CCDC171: variants seen among roughly 807,000 people sequenced by gnomAD.
The protein encoded by CCDC171 is coiled-coil domain-containing protein 171.
CCDC171 carries 177 observed loss-of-function variants against 168.2 expected under a neutral mutation model. That is an observed-to-expected ratio of 1.05 (90% CI 0.93 to 1.19). The LOEUF (loss-of-function observed/expected upper bound fraction) is 1.19, where lower values mean the gene tolerates loss of function less well. Among genes scored for constraint, CCDC171 ranks in the 50% most tolerant of loss-of-function variants. CCDC171 has a pLI of 0.00. For missense variants in CCDC171, 1,991 were observed against 1,539.0 expected, an observed-to-expected ratio of 1.29 and a Z score of -4.91; for synonymous variants, 687 against 540.8, an observed-to-expected ratio of 1.27 and a Z score of -3.75.
chr9:15,579,910 T>C (rs1387947676), intron 4 of CCDC171, among the ~76,000 whole-genome samples: 6 of 152,320 alleles, frequency 3.9e-5, no homozygotes, highest in South Asian at 2.1e-4. Flanking sequence ...TTAACAATAA[T>C]GTTGCTATGA....
intron 6 of CCDC171, among the ~76,000 whole-genome samples, chr9:16,028,316 G>T (rs146839163): frequency 6.6e-6 from 1 of 152,312 alleles, no homozygotes; most frequent in East Asian, 1.9e-4. Context: ...GGGGAGAATG[G>T]ATGTCTGGTT....
chr9:16,063,619 A>G (rs1254993496), downstream of CCDC171, among the ~76,000 whole-genome samples: 3 of 152,212 alleles, frequency 2.0e-5, no homozygotes, highest in African/African-American at 7.2e-5. Flanking sequence ...GAGTGGTTTG[A>G]ATATTCTTCC....
rs553649012 is a variant in CCDC171, at chr9:15,858,567, T to G, written c.3468+9620T>G. ...TTCATGAACACAGAATGTTTTTTCA[T>G]TTGTTGTATTTTTAATTTCTTTTGC... is the stretch of plus-strand genomic sequence containing the variant. On this transcript the variant is annotated intron_variant, in intron 23 of 25. Transcript: ENST00000380701. Among the ~76,000 whole-genome samples, 11 of 152,176 alleles carry G rather than the reference T, an allele frequency of 7.2e-5. No homozygotes were observed. The East Asian group carries it at 1.7e-3, about 24-fold the overall frequency.
intron 25 of CCDC171, among the ~76,000 whole-genome samples, chr9:15,933,952 A>T (rs529954022): frequency 6.6e-6 from 1 of 152,170 alleles, no homozygotes; most frequent in Non-Finnish European, 1.5e-5. Flanking sequence ...AATTAAAAGC[A>T]TGGAAAGACT....
At chr9:16,104,894 A>G in the CCDC171 span, among the ~76,000 whole-genome samples, 1 of 152,238 alleles carries the variant, frequency 6.6e-6, no homozygotes, top group Non-Finnish European at 1.5e-5. Flanking sequence ...ATAACAATGT[A>G]AAACTCCAGT....
chr9:15,587,165 C>T (rs905738733), intron 4 of CCDC171, among the ~76,000 whole-genome samples: 3 of 152,160 alleles, frequency 2.0e-5, no homozygotes, highest in Admixed American at 6.5e-5. Context: ...TGGATTTCTA[C>T]ACTCTATGCC....
intron 24 of CCDC171, chr9:15,886,011 CTTAT>C (rs1336319697): frequency 6.6e-6 from 1 of 152,104 alleles, no homozygotes; most frequent in Non-Finnish European, 1.5e-5. Flanking sequence ...TCTTTTCCCT[CTTAT>C]TTAAACTTGG....
chr9:16,032,325 GA>G (rs1833377002), intron 6 of CCDC171, among the ~76,000 whole-genome samples: 1 of 151,604 alleles, frequency 6.6e-6, no homozygotes, highest in African/African-American at 2.4e-5. Context: ...CACCTGAGGG[GA>G]AAAAAAGACA....
At chr9:15,860,142 G>GTT (rs34321651) in intron 23 of CCDC171, among the ~76,000 whole-genome samples, 3 of 147,476 alleles carry the variant, frequency 2.0e-5, no homozygotes, top group African/African-American at 7.5e-5. Context: ...TCCTTTTTGT[G>GTT]TTTTTTTTTT....
At chr9:15,947,673 A>G (rs1437727362) in intron 25 of CCDC171, among the ~76,000 whole-genome samples, 2 of 152,024 alleles carry the variant, frequency 1.3e-5, no homozygotes, top group East Asian at 1.9e-4. Flanking sequence ...GAATGTGGGT[A>G]TACAAATATC....
chr9:15,598,258 T>C (rs1201911083), intron 6 of CCDC171, among the ~76,000 whole-genome samples: 2 of 152,172 alleles, frequency 1.3e-5, no homozygotes, highest in Non-Finnish European at 2.9e-5. Context: ...CAATTTTAGA[T>C]CTTTCCTGCT....
In CCDC171 at chr9:15,553,093, G is replaced by A. The variant is rs2038469949; in HGVS notation, c.-321G>A. ...AAGCGGAGTGTTTTCAGCTCCGGAA[G>A]TGGCAGTTGTAAACTTCACCTCCCG... is the stretch of plus-strand genomic sequence containing the variant. On this transcript the variant is annotated 5_prime_UTR_variant, in exon 1 of 26. The change creates a new upstream start codon in the 5' untranslated region. Coordinates refer to ENST00000380701, the MANE Select transcript of CCDC171 (RefSeq NM_173550.4). 1 of 152,490 alleles carries A rather than the reference G, an allele frequency of 6.6e-6. No homozygotes were observed. Among genetic ancestry groups the A allele is most frequent in the Non-Finnish European group, 1.5e-5 (1 of 68,268 alleles). The allele number at this position is 152,490 out of a possible 1,614,324, so 9.4% of individuals were successfully genotyped here.
intron 6 of CCDC171, among the ~76,000 whole-genome samples, chr9:15,602,903 C>T (rs909176555): frequency 7.2e-5 from 11 of 152,084 alleles, no homozygotes; most frequent in Non-Finnish European, 1.2e-4. Flanking sequence ...GGCGATCTGC[C>T]TGCCTCGGCC....
chr9:15,662,160 C>T (rs1013819505), intron 8 of CCDC171, among the ~76,000 whole-genome samples: 1 of 152,098 alleles, frequency 6.6e-6, no homozygotes, highest in South Asian at 2.1e-4. Flanking sequence ...GCCTGTAGTC[C>T]CAGCTACTCT....
intron 6 of CCDC171, among the ~76,000 whole-genome samples, chr9:16,031,913 G>A (rs1176400355): frequency 1.3e-5 from 2 of 152,176 alleles, no homozygotes. Flanking sequence ...CCCAGAGCAG[G>A]GCAGAGACTG....
At chr9:15,756,420 G>C (rs1253719653) in intron 18 of CCDC171, among the ~76,000 whole-genome samples, 2 of 152,002 alleles carry the variant, frequency 1.3e-5, no homozygotes, top group African/African-American at 4.8e-5. Context: ...GAATACATGT[G>C]CAAATTTGTT....
chr9:15,657,029 C>T (rs2047991419), intron 7 of CCDC171, 98 bp from the exon 8 acceptor site: 3 of 520,696 alleles, frequency 5.8e-6, no homozygotes, highest in Admixed American at 7.5e-5. Context: ...GCTGCAAGTC[C>T]ACTAATCTAA....
chr9:15,714,446 G>T (rs1405913335), intron 11 of CCDC171, among the ~76,000 whole-genome samples: 1 of 152,092 alleles, frequency 6.6e-6, no homozygotes, highest in African/African-American at 2.4e-5. Flanking sequence ...CTAGAGAGAG[G>T]CCTCAGCTAA....
At chr9:15,791,256 G>A (rs375552673) in intron 21 of CCDC171, among the ~76,000 whole-genome samples, 2,081 of 152,008 alleles carry the variant, frequency 0.014, 49 homozygotes, top group African/African-American at 0.047. Flanking sequence ...ATTTGTTTGT[G>A]TCCTCTTTTA....
Sources: gnomAD v4.1 joint callset for allele counts (sites outside exome capture counted in the v4.1 genomes callset) on GRCh38, gnomAD v4.1.1 for gene constraint, MANE v1.5 for transcripts, NCBI Gene and HGNC (gene_info 2026-07-23, HGNC 2026-07-21) for gene names.